Variants in VPS50 observed in about 807,000 individuals in gnomAD.
VPS50 encodes syndetin.
Under a neutral mutation model 139.7 loss-of-function variants are expected in VPS50, and 70 were observed. That is an observed-to-expected ratio of 0.50 (90% CI 0.41 to 0.61). The LOEUF (loss-of-function observed/expected upper bound fraction) is 0.61. Among genes scored for constraint, VPS50 ranks in the 20% least tolerant of loss-of-function variants. VPS50 has a pLI of 0.00. For missense variants in VPS50, 921 were observed against 1,133.7 expected (o/e 0.81, Z 2.69); for synonymous variants, 365 against 376.7 (o/e 0.97, Z 0.36).
intron 9 of VPS50, 99 bp downstream of exon 9, chr7:93,259,731 G>T: frequency 1.6e-6 from 1 of 627,290 alleles, no homozygotes; most frequent in Non-Finnish European, 2.9e-6. Flanking sequence ...AGTATAAAGT[G>T]TTGTGTTCTA....
At chr7:93,237,748 AT>A (rs1283380100) in intron 1 of VPS50, among the ~76,000 whole-genome samples, 5 of 152,174 alleles carry the variant, frequency 3.3e-5, no homozygotes, top group African/African-American at 4.8e-5. Flanking sequence ...GGGTTTAAAA[AT>A]TTTTTTTATT....
At chr7:93,353,880 T>C in intron 26 of VPS50, 119 bp downstream of exon 26, 2 of 803,008 alleles carry the variant, frequency 2.5e-6, no homozygotes, top group Non-Finnish European at 3.9e-6. Flanking sequence ...GCAGACAAGT[T>C]TGGGATATAA....
At chr7:93,328,344 G>A (rs887533211) in intron 21 of VPS50, among the ~76,000 whole-genome samples, 1 of 152,092 alleles carries the variant, frequency 6.6e-6, no homozygotes, top group Non-Finnish European at 1.5e-5. Flanking sequence ...TCTTACGAAG[G>A]TTCTTACTTG....
intron 14 of VPS50, chr7:93,295,439 T>A (rs1252296262): frequency 1.3e-5 from 2 of 152,202 alleles, no homozygotes; most frequent in Non-Finnish European, 2.9e-5. Context: ...GAGGTTAGAA[T>A]TTCAGCTTCG....
At position 93,311,290 on chromosome 7, in the gene VPS50, TA is replaced by T. The variant is rs780591845; in HGVS notation, c.1855+26del. 15 of 896,258 alleles carry T rather than the reference TA, an allele frequency of 1.7e-5. No individual in the cohort carries two copies. Among genetic ancestry groups the T allele is most frequent in the Middle Eastern group, 2.2e-4 (1 of 4,558 alleles). The allele number at this position is 896,258 out of a possible 1,614,324, so 55.5% of individuals were successfully genotyped here. A position where few individuals can be genotyped will look rare whatever the true frequency, so the allele number is the denominator to read the frequency against. ...ACTTGTTGGTAAGTAGCTACACCTT[TA>T]AAAAAAATTATAACAGTTAAATTAG... On this transcript the variant is annotated intron_variant, in intron 20 of 27. Transcript: ENST00000305866.
chr7:93,357,261 G>T (rs1398691705), intron 27 of VPS50, among the ~76,000 whole-genome samples: 1 of 152,152 alleles, frequency 6.6e-6, no homozygotes, highest in Admixed American at 6.6e-5. Flanking sequence ...CAAGAATGAT[G>T]CCCGTTTTTT....
chr7:93,296,790 A>G lies in VPS50; in HGVS notation c.1216A>G (p.Ile406Val), dbSNP rs374290264. ...CTACTTGCTTGGAACTGATTTGTCT[A>G]TATTCAAATATGATGATTTCATCTT... Reference protein sequence around the residue: ...KTYLLGTDLSIFKYDDFIFVL... With the variant: ...KTYLLGTDLSVFKYDDFIFVL... The change falls in exon 15 of 28, where the codon ATA becomes GTA. Residue 406 changes from isoleucine (I) to valine (V), a missense_variant. Transcript: ENST00000305866. 42 of 1,605,940 alleles carry G rather than the reference A, an allele frequency of 2.6e-5. No homozygotes were observed. In the African/African-American group the frequency reaches 5.4e-4, roughly 21 times the overall value.
intron 9 of VPS50, among the ~76,000 whole-genome samples, chr7:93,269,339 T>C (rs942804088): frequency 2.6e-5 from 4 of 152,110 alleles, no homozygotes; most frequent in Non-Finnish European, 5.9e-5. Context: ...ATGTCTGATA[T>C]TTCAGGCACA....
chr7:93,233,249 A>G (rs1413339415), intron 1 of VPS50, among the ~76,000 whole-genome samples: 6 of 152,172 alleles, frequency 3.9e-5, no homozygotes, highest in Non-Finnish European at 8.8e-5. Flanking sequence ...TCTTTTATGT[A>G]CTTATTGATT....
intron 12 of VPS50, among the ~76,000 whole-genome samples, chr7:93,283,231 C>CT (rs775610044): frequency 0.026 from 3,594 of 140,582 alleles, 143 homozygotes; most frequent in African/African-American, 0.073. Context: ...TTTTTCTTTT[C>CT]TTTTTTTTTT....
At chr7:93,277,123 A>G (rs1796181012) in intron 12 of VPS50, among the ~76,000 whole-genome samples, 1 of 152,166 alleles carries the variant, frequency 6.6e-6, no homozygotes, top group Non-Finnish European at 1.5e-5. Flanking sequence ...GTCTTGTGAC[A>G]TTCAGGGGTT....
intron 1 of VPS50, among the ~76,000 whole-genome samples, chr7:93,232,752 T>G (rs1389180394): frequency 6.6e-6 from 1 of 152,190 alleles, no homozygotes; most frequent in Non-Finnish European, 1.5e-5. Flanking sequence ...AGGGTATCTT[T>G]GTCTCCCCTC....
chr7:93,271,045 T>C (rs1795989742), intron 9 of VPS50, 175 bp from the exon 10 acceptor site: 3 of 983,730 alleles, frequency 3.0e-6, no homozygotes, highest in South Asian at 5.5e-5. Context: ...TGACTCTTAT[T>C]CCCTTCTAAT....
Position 93,348,694 on chromosome 7 carries a change from T to A in VPS50, c.2208-17T>A. 6.5e-7 allele frequency: 1 copy of A among 1,531,998 alleles called. No homozygotes were observed. The highest frequency in any genetic ancestry group is 2.2e-5 in the East Asian group (1 of 44,458). The allele number at this position is 1,531,998 out of a possible 1,614,324, so 94.9% of individuals were successfully genotyped here. On this transcript the variant is annotated splice_polypyrimidine_tract_variant and intron_variant, in intron 23 of 27. Coordinates refer to ENST00000305866, the MANE Select transcript of VPS50 (RefSeq NM_017667.4). ...CTACACAATTTGTTTACACAGTGGG[T>A]TATTTATTCCCTTTAGGGTATTCTT...
chr7:93,296,926 T>A, intron 15 of VPS50, 90 bp downstream of exon 15: 1 of 1,453,360 alleles, frequency 6.9e-7, no homozygotes, highest in Non-Finnish European at 9.0e-7. Context: ...ATAACTTCTT[T>A]ATGGAAATGA....
chr7:93,345,020 C>A (rs1158968783), intron 23 of VPS50, among the ~76,000 whole-genome samples: 97 of 152,070 alleles, frequency 6.4e-4, no homozygotes, highest in Non-Finnish European at 1.1e-3. Context: ...AAACCCTTCA[C>A]AAAATTAACG....
intron 8 of VPS50, among the ~76,000 whole-genome samples, chr7:93,259,242 G>A (rs1795591372): frequency 6.6e-6 from 1 of 152,012 alleles, no homozygotes; most frequent in South Asian, 2.1e-4. Context: ...AACAGTTAAA[G>A]AAAACCTTTC....
intron 16 of VPS50, among the ~76,000 whole-genome samples, chr7:93,298,465 T>C (rs1239999061): frequency 6.6e-6 from 1 of 152,208 alleles, no homozygotes; most frequent in Non-Finnish European, 1.5e-5. Context: ...GAAGCCTCAC[T>C]TTCCCTGCAG....
chr7:93,276,670 TATGA>T (rs1388871746), intron 12 of VPS50, among the ~76,000 whole-genome samples: 2 of 152,210 alleles, frequency 1.3e-5, no homozygotes, highest in Non-Finnish European at 2.9e-5. Context: ...TTTTCATGTG[TATGA>T]ATGCTGCCTT....
Sources: allele counts gnomAD v4.1 joint callset (sites outside exome capture counted in the v4.1 genomes callset), GRCh38; gene constraint gnomAD v4.1.1; transcripts MANE v1.5; gene names NCBI Gene and HGNC (gene_info 2026-07-23, HGNC 2026-07-21).